The following SORCS1 variants were observed in gnomAD, a reference collection of about 807,000 sequenced individuals.
SORCS1 encodes VPS10 domain-containing receptor SorCS1.
A neutral mutation model predicts 146.1 loss-of-function variants in SORCS1; 60 were observed. That is an observed-to-expected ratio of 0.41 (90% CI 0.33 to 0.51). The LOEUF (loss-of-function observed/expected upper bound fraction) is 0.51. SORCS1 is among the 20% of genes least tolerant of loss of function. The pLI is 0.21. For missense variants in SORCS1, 1,352 were observed against 1,487.6 expected, an observed-to-expected ratio of 0.91 and a Z score of 1.50; for synonymous variants, 637 against 584.0, an observed-to-expected ratio of 1.09 and a Z score of -1.31.
intron 21 of SORCS1, among the ~76,000 whole-genome samples, chr10:106,614,303 G>A (rs985745904): frequency 1.3e-4 from 20 of 152,182 alleles, no homozygotes; most frequent in Admixed American, 7.8e-4. Context: ...GGGTCCAAGC[G>A]ACATTGGGGA....
intron 18 of SORCS1, among the ~76,000 whole-genome samples, chr10:106,633,576 A>C (rs1358865980): frequency 1.3e-5 from 2 of 152,182 alleles, no homozygotes; most frequent in Non-Finnish European, 2.9e-5. Context: ...TTTTTAATTC[A>C]AAATGATCAC....
At chr10:106,956,714 C>T (rs958610089) in intron 1 of SORCS1, 134 bp from the exon 2 acceptor site, 81 of 774,430 alleles carry the variant, frequency 1.0e-4, no homozygotes, top group Non-Finnish European at 1.5e-4. Flanking sequence ...CAGCATTTGC[C>T]ACACTGACTG....
chr10:106,843,341 T>C (rs1949139014), intron 2 of SORCS1, among the ~76,000 whole-genome samples: 1 of 152,166 alleles, frequency 6.6e-6, no homozygotes, highest in Non-Finnish European at 1.5e-5. Flanking sequence ...AGTGAGATCA[T>C]GCATCATTTG....
chr10:106,914,842 T>C (rs1369801177), intron 2 of SORCS1, among the ~76,000 whole-genome samples: 1 of 152,204 alleles, frequency 6.6e-6, no homozygotes, highest in Non-Finnish European at 1.5e-5. Context: ...ATCTGATTTC[T>C]AGCCATTCAT....
chr10:106,949,949 G>C (rs1554892360), intron 2 of SORCS1, among the ~76,000 whole-genome samples: 1 of 151,624 alleles, frequency 6.6e-6, no homozygotes, highest in African/African-American at 2.4e-5. Context: ...GTATAACAGG[G>C]AAAAAAAAGA....
At chr10:106,891,559 G>A (rs1194513480) in intron 2 of SORCS1, among the ~76,000 whole-genome samples, 1 of 139,090 alleles carries the variant, frequency 7.2e-6, no homozygotes, top group Non-Finnish European at 1.5e-5. Context: ...AAGTGCAGTG[G>A]CATCACCATA....
At chr10:107,025,757 T>G (rs567997440) in intron 1 of SORCS1, among the ~76,000 whole-genome samples, 2 of 152,232 alleles carry the variant, frequency 1.3e-5, no homozygotes, top group African/African-American at 4.8e-5. Context: ...GAGCTGGAAC[T>G]TAATTCCACA....
intron 24 of SORCS1, among the ~76,000 whole-genome samples, chr10:106,591,792 C>T (rs529550471): frequency 6.6e-5 from 10 of 152,190 alleles, no homozygotes; most frequent in Admixed American, 2.6e-4. Context: ...GTTGTCCAGG[C>T]AAATGTCTCT....
At chr10:106,622,667 AT>A (rs1171260108) in intron 19 of SORCS1, among the ~76,000 whole-genome samples, 1 of 152,096 alleles carries the variant, frequency 6.6e-6, no homozygotes, top group East Asian at 1.9e-4. Flanking sequence ...AAAGGGTAAC[AT>A]TTACTGAGCG....
chr10:107,136,044 T>C (rs1967270412), intron 1 of SORCS1, among the ~76,000 whole-genome samples: 2 of 152,120 alleles, frequency 1.3e-5, no homozygotes, highest in Admixed American at 1.3e-4. Context: ...TAACCTCTGG[T>C]TTTTCTTTTA....
chr10:107,098,362 G>T (rs1372168395), intron 1 of SORCS1, among the ~76,000 whole-genome samples: 1 of 152,152 alleles, frequency 6.6e-6, no homozygotes, highest in Non-Finnish European at 1.5e-5. Context: ...ATTGTTTCTG[G>T]GAGCTGCTTG....
chr10:106,918,525 A>G (rs931536303), intron 2 of SORCS1, among the ~76,000 whole-genome samples: 1 of 152,056 alleles, frequency 6.6e-6, no homozygotes, highest in Non-Finnish European at 1.5e-5. Context: ...ATACCCTCAC[A>G]TACAATGTCT....
At chr10:106,589,721 G>GCTCCAC (rs1285721981) in intron 24 of SORCS1, among the ~76,000 whole-genome samples, 2 of 123,884 alleles carry the variant, frequency 1.6e-5, no homozygotes, top group African/African-American at 3.2e-5. Context: ...AAAAAAACAA[G>GCTCCAC]CTCCACCTCC....
intron 2 of SORCS1, among the ~76,000 whole-genome samples, chr10:106,885,625 A>AT (rs1167331533): frequency 6.6e-6 from 1 of 152,160 alleles, no homozygotes; most frequent in East Asian, 1.9e-4. Flanking sequence ...TCAATGTATG[A>AT]TTTACATGCG....
At chr10:107,071,166 A>G (rs1235770309) in intron 1 of SORCS1, among the ~76,000 whole-genome samples, 1 of 152,040 alleles carries the variant, frequency 6.6e-6, no homozygotes, top group Non-Finnish European at 1.5e-5. Flanking sequence ...GGCAGAGAAA[A>G]CTGGTTGTCC....
intron 5 of SORCS1, among the ~76,000 whole-genome samples, chr10:106,732,863 G>C (rs1467747083): frequency 6.6e-6 from 1 of 152,154 alleles, no homozygotes; most frequent in Non-Finnish European, 1.5e-5. Context: ...GCTCACGCCT[G>C]TAATCCCAGC....
intron 8 of SORCS1, among the ~76,000 whole-genome samples, chr10:106,699,971 A>G (rs539348958): frequency 3.3e-5 from 5 of 152,226 alleles, no homozygotes; most frequent in Admixed American, 6.5e-5. Flanking sequence ...CCAAAGGTTC[A>G]GCAACCCCTA....
chr10:106,683,827 C>T (rs1564854480), intron 10 of SORCS1, among the ~76,000 whole-genome samples: 1 of 152,282 alleles, frequency 6.6e-6, no homozygotes, highest in East Asian at 1.9e-4. Flanking sequence ...TGAGTTGGAA[C>T]TCAAATTTAT....
intron 4 of SORCS1, among the ~76,000 whole-genome samples, chr10:106,772,735 T>C (rs1860122033): frequency 6.6e-6 from 1 of 152,148 alleles, no homozygotes; most frequent in African/African-American, 2.4e-5. Flanking sequence ...AAATTCTATC[T>C]TGGACCAGAA....
Sources: gnomAD v4.1 joint callset for allele counts (sites outside exome capture counted in the v4.1 genomes callset) on GRCh38, gnomAD v4.1.1 for gene constraint, MANE v1.5 for transcripts, NCBI Gene and HGNC (gene_info 2026-07-23, HGNC 2026-07-21) for gene names.